PHLDB2: variants seen among roughly 807,000 people sequenced by gnomAD.
PHLDB2 encodes the protein pleckstrin homology-like domain family B member 2.
PHLDB2 carries 71 observed loss-of-function variants against 123.6 expected under a neutral mutation model. The observed-to-expected ratio is 0.57, with a 90% CI of 0.47 to 0.70. PHLDB2 has a LOEUF of 0.70. Among genes scored for constraint, PHLDB2 ranks in the 30% least tolerant of loss-of-function variants. The pLI is 0.00. For missense variants in PHLDB2, 1,446 were observed against 1,519.5 expected, an observed-to-expected ratio of 0.95 and a Z score of 0.80; for synonymous variants, 547 against 541.6, an observed-to-expected ratio of 1.01 and a Z score of -0.14.
At chr3:111,883,881 A>G (rs570558305) in intron 1 of PHLDB2, 183 bp from the exon 2 acceptor site, 478 of 576,588 alleles carry the variant, frequency 8.3e-4, no homozygotes, top group East Asian at 2.1e-3. Context: ...TCTCAGGTCA[A>G]TGATCTTTAT....
chr3:111,969,717 G>T lies in PHLDB2; in HGVS notation c.3343G>T (p.Val1115Phe). The T allele has an allele frequency of 8.7e-6, 14 of 1,613,976 alleles. No homozygotes were observed. The highest frequency in any genetic ancestry group is 1.2e-5 in the Non-Finnish European group (14 of 1,179,882). ...QARPLTRYLP[V>F]RKEDFDLRSH... ...TCGTCCTTTGACACGCTACCTGCCT[G>T]TCCGGAAGGAAGACTTTGATTTGCG... is the stretch of plus-strand genomic sequence containing the variant. The change falls in exon 16 of 18, where the codon GTC becomes TTC. Residue 1115 changes from valine (V) to phenylalanine (F), a missense_variant. Coordinates refer to ENST00000431670, the MANE Select transcript of PHLDB2 (RefSeq NM_001134438.2).
intron 1 of PHLDB2, among the ~76,000 whole-genome samples, chr3:111,746,187 C>G (rs1235530006): frequency 6.6e-6 from 1 of 152,166 alleles, no homozygotes; most frequent in Non-Finnish European, 1.5e-5. Context: ...GAGTCAGTGA[C>G]AATTCAAGAA....
At chr3:111,798,682 A>T (rs199570640) in intron 1 of PHLDB2, among the ~76,000 whole-genome samples, 1 of 144,538 alleles carries the variant, frequency 6.9e-6, no homozygotes, top group African/African-American at 2.5e-5. Context: ...TGTCTCTAAT[A>T]AAAATAAAAT....
intron 1 of PHLDB2, among the ~76,000 whole-genome samples, chr3:111,829,927 A>AAC (rs72357648): frequency 0.11 from 14,906 of 135,774 alleles, 821 homozygotes; most frequent in South Asian, 0.16. Flanking sequence ...AACTATTCAA[A>AAC]ACACACACAC....
In PHLDB2 at chr3:111,777,724, T is replaced by C. The variant is rs1690678039; in HGVS notation, c.-49+45021T>C. 3.3e-5 allele frequency among the ~76,000 whole-genome samples: 5 copies of C among 152,202 alleles called. No individual in the cohort carries two copies. The South Asian group carries it at 8.3e-4, about 25-fold the overall frequency. On this transcript the variant is annotated intron_variant, in intron 1 of 17. Coordinates refer to the PHLDB2 transcript ENST00000393923. ...TTGTTGTTTGATGCCATCTGTTTAA[T>C]ACAATAAAAAAGAATTAGCAGTCCT...
chr3:111,851,297 T>C (rs1296338872), intron 2 of PHLDB2, among the ~76,000 whole-genome samples: 1 of 151,892 alleles, frequency 6.6e-6, no homozygotes, highest in Non-Finnish European at 1.5e-5. Context: ...AAAAATGGTC[T>C]GGCAAGTAGC....
chr3:111,846,062 C>T (rs1240930570), intron 2 of PHLDB2: 6 of 986,156 alleles, frequency 6.1e-6, no homozygotes, highest in Non-Finnish European at 9.0e-6. Flanking sequence ...GGGAAGAGAG[C>T]CTGAGGCTGG....
chr3:111,834,511 A>G (rs1469296075), intron 1 of PHLDB2, among the ~76,000 whole-genome samples: 1 of 151,344 alleles, frequency 6.6e-6, no homozygotes, highest in Non-Finnish European at 1.5e-5. Context: ...ATGAACATAT[A>G]GTAGTCTACT....
At chr3:111,923,802 A>G (rs1308423812) in intron 5 of PHLDB2, among the ~76,000 whole-genome samples, 5 of 152,172 alleles carry the variant, frequency 3.3e-5, no homozygotes, top group Non-Finnish European at 5.9e-5. Flanking sequence ...ACATCTCTGC[A>G]TCTCCACTAA....
chr3:111,808,222 C>T (rs2061680322), intron 1 of PHLDB2, among the ~76,000 whole-genome samples: 1 of 152,246 alleles, frequency 6.6e-6, no homozygotes, highest in East Asian at 1.9e-4. Flanking sequence ...GTGGGGTGAA[C>T]TGTCTTTAGA....
intron 3 of PHLDB2, among the ~76,000 whole-genome samples, chr3:111,918,646 A>C (rs2068315196): frequency 6.6e-6 from 1 of 152,222 alleles, no homozygotes; most frequent in Non-Finnish European, 1.5e-5. Flanking sequence ...ATGGGAGAGA[A>C]TATTGTGCTT....
chr3:111,809,058 C>G (rs900562440), intron 1 of PHLDB2, among the ~76,000 whole-genome samples: 1 of 152,166 alleles, frequency 6.6e-6, no homozygotes, highest in African/African-American at 2.4e-5. Context: ...GAACTGACTG[C>G]TGTCATCGAG....
exon 2 of PHLDB2, chr3:111,845,866 C>A: frequency 6.2e-7 from 1 of 1,614,096 alleles, no homozygotes. Context: ...GCAGAAGATC[C>A]TGATGGAGGA....
chr3:111,927,364 C>CA (rs1553751045), intron 5 of PHLDB2, among the ~76,000 whole-genome samples: 1 of 151,916 alleles, frequency 6.6e-6, no homozygotes, highest in Non-Finnish European at 1.5e-5. Context: ...TCATCTCTGT[C>CA]AAATAAATAA....
chr3:111,822,956 G>A (rs2062476866), intron 1 of PHLDB2, among the ~76,000 whole-genome samples: 1 of 152,218 alleles, frequency 6.6e-6, no homozygotes, highest in African/African-American at 2.4e-5. Flanking sequence ...AATAGCATGG[G>A]GACAAAGGAA....
At chr3:111,893,492 A>G (rs1371958690) in intron 2 of PHLDB2, among the ~76,000 whole-genome samples, 2 of 152,204 alleles carry the variant, frequency 1.3e-5, no homozygotes, top group African/African-American at 2.4e-5. Context: ...ATCTTGAGAA[A>G]CAATGGCTCT....
At chr3:111,780,099 C>T (rs536165618) in intron 1 of PHLDB2, among the ~76,000 whole-genome samples, 1 of 151,354 alleles carries the variant, frequency 6.6e-6, no homozygotes, top group South Asian at 2.1e-4. Context: ...AAGTATAGCT[C>T]TTCTGTGGTT....
In PHLDB2 at chr3:111,946,475, C is replaced by G. The variant is rs150144463; in HGVS notation, c.2487+1118C>G. Among the ~76,000 whole-genome samples the G allele has an allele frequency of 6.9e-3, 1,054 of 152,300 alleles. 15 individuals are homozygous for G. The highest frequency in any genetic ancestry group is 0.024 in the African/African-American group (988 of 41,572). Reference sequence around the variant, plus strand: ...TTTTTGTGTGTGTAAGTATATGAAACAAAATGCTCATCACAATATTAAGTG... The same window carrying G: ...TTTTTGTGTGTGTAAGTATATGAAAGAAAATGCTCATCACAATATTAAGTG... On this transcript the variant is annotated intron_variant, in intron 9 of 17. Coordinates refer to ENST00000431670, the MANE Select transcript of PHLDB2 (RefSeq NM_001134438.2).
chr3:111,935,868 A>C (rs1168722575), intron 6 of PHLDB2, among the ~76,000 whole-genome samples: 3 of 152,194 alleles, frequency 2.0e-5, no homozygotes, highest in Non-Finnish European at 4.4e-5. Flanking sequence ...AATCTTTGGC[A>C]AGATCCTCCC....
Sources: allele counts gnomAD v4.1 joint callset (sites outside exome capture counted in the v4.1 genomes callset), GRCh38; gene constraint gnomAD v4.1.1; transcripts MANE v1.5; gene names NCBI Gene and HGNC (gene_info 2026-07-23, HGNC 2026-07-21).